DOCK8: variants seen among roughly 807,000 people sequenced by gnomAD.
DOCK8 encodes dedicator of cytokinesis protein 8.
DOCK8 carries 141 observed loss-of-function variants against 245.6 expected under a neutral mutation model. That is an observed-to-expected ratio of 0.57 (90% CI 0.50 to 0.66). DOCK8 has a LOEUF of 0.66. DOCK8 is among the 30% of genes least tolerant of loss of function. The pLI, the probability that DOCK8 is intolerant of heterozygous loss-of-function variation, is 0.00. For synonymous variants in DOCK8, 1,168 were observed against 970.2 expected (o/e 1.20, Z -3.79); for missense variants, 2,965 against 2,603.4 (o/e 1.14, Z -3.02).
chr9:452,138 G>A (rs2057487509), intron 46 of DOCK8, 21 bp downstream of exon 46: 2 of 1,511,162 alleles, frequency 1.3e-6, no homozygotes, highest in East Asian at 4.5e-5. Flanking sequence ...AAATGGCTGG[G>A]AATTTCAGTA....
chr9:261,985 A>G (rs1429063379), intron 1 of DOCK8, among the ~76,000 whole-genome samples: 19 of 112,806 alleles, frequency 1.7e-4, no homozygotes, highest in Admixed American at 1.6e-3. Flanking sequence ...AAAATGTGTC[A>G]AAAGAAAGAA....
At chr9:401,503 G>A (rs1250951797) in intron 26 of DOCK8, among the ~76,000 whole-genome samples, 1 of 152,186 alleles carries the variant, frequency 6.6e-6, no homozygotes, top group Non-Finnish European at 1.5e-5. Context: ...TTAGGGCCCT[G>A]TATCTGCAAG....
intron 38 of DOCK8, among the ~76,000 whole-genome samples, chr9:434,269 A>T (rs188818419): frequency 2.2e-4 from 34 of 152,324 alleles, no homozygotes; most frequent in African/African-American, 7.9e-4. Context: ...ATTAACTGTT[A>T]TAGGAATTAT....
intron 2 of DOCK8, among the ~76,000 whole-genome samples, chr9:278,606 A>G (rs2048452568): frequency 6.6e-6 from 1 of 152,214 alleles, no homozygotes; most frequent in Non-Finnish European, 1.5e-5. Flanking sequence ...TTTAGATTGG[A>G]TCATCCGTGA....
intron 14 of DOCK8, among the ~76,000 whole-genome samples, chr9:345,722 C>T (rs916090725): frequency 2.0e-5 from 3 of 152,186 alleles, no homozygotes; most frequent in African/African-American, 7.2e-5. Context: ...TTGCCCTGCC[C>T]CTTCAGGTGT....
chr9:405,199 C>G, intron 27 of DOCK8, 126 bp downstream of exon 27: 1 of 992,040 alleles, frequency 1.0e-6, no homozygotes, highest in Admixed American at 2.2e-5. Flanking sequence ...CAATTCAAAC[C>G]AGATCAAGTA....
chr9:218,308 T>C (rs1356137096), intron 1 of DOCK8, among the ~76,000 whole-genome samples: 1 of 152,234 alleles, frequency 6.6e-6, no homozygotes, highest in Non-Finnish European at 1.5e-5. Context: ...TCAAATCTGA[T>C]ATATTAAAAA....
At chr9:281,661 G>T (rs940700877) in intron 2 of DOCK8, among the ~76,000 whole-genome samples, 1 of 152,094 alleles carries the variant, frequency 6.6e-6, no homozygotes, top group Non-Finnish European at 1.5e-5. Context: ...GTGTGTGTGT[G>T]TGTGTTGACT....
chr9:323,218 CTTTTTTTT>C (rs1164158230), intron 7 of DOCK8, among the ~76,000 whole-genome samples: 1 of 67,216 alleles, frequency 1.5e-5, no homozygotes, highest in Non-Finnish European at 2.6e-5. Flanking sequence ...AATCTACCAT[CTTTTTTTT>C]TTTTTTTTTT....
At chr9:327,110 G>C (rs544409082) in intron 8 of DOCK8, among the ~76,000 whole-genome samples, 1 of 152,298 alleles carries the variant, frequency 6.6e-6, no homozygotes, top group African/African-American at 2.4e-5. Context: ...TCTATGCAGA[G>C]TCAAGCTAGA....
At chr9:389,309 C>T (rs2054085522) in intron 23 of DOCK8, among the ~76,000 whole-genome samples, 1 of 152,118 alleles carries the variant, frequency 6.6e-6, no homozygotes, top group African/African-American at 2.4e-5. Flanking sequence ...TATAAGTCAC[C>T]CTGTGCACTA....
intron 4 of DOCK8, 77 bp downstream of exon 4, chr9:289,658 T>A: frequency 7.5e-7 from 1 of 1,329,478 alleles, no homozygotes; most frequent in Non-Finnish European, 1.0e-6. Flanking sequence ...TCTTAATACT[T>A]TGAACAGTTC....
At chr9:415,410 A>G (rs898543683) in intron 29 of DOCK8, among the ~76,000 whole-genome samples, 26 of 152,362 alleles carry the variant, frequency 1.7e-4, no homozygotes, top group African/African-American at 5.5e-4. Flanking sequence ...GCATATGTCA[A>G]TATTAGAAAA....
At position 271,643 on chromosome 9, in the gene DOCK8, A is replaced by G; in HGVS notation, c.70A>G (p.Ile24Val). 6.4e-7 allele frequency: 1 copy of G among 1,550,548 alleles called. No homozygotes were observed. Among genetic ancestry groups the G allele is most frequent in the Non-Finnish European group, 8.7e-7 (1 of 1,145,902 alleles). Residue 24 changes from isoleucine (I) to valine (V), a missense_variant, in exon 2 of 48, where the codon ATA (isoleucine) becomes GTA (valine). Around this residue, in one of 3 missense-constraint regions of DOCK8, gnomAD observed 2,825 missense variants for 2,453.5 expected, o/e 1.15. Coordinates refer to ENST00000432829, the MANE Select transcript of DOCK8 (RefSeq NM_203447.4). Reference protein sequence around the residue: ...LKINRYSSAEIRKQFTLPPNL... With the variant: ...LKINRYSSAEVRKQFTLPPNL... ...TAATCCAAGGTATTCTTCAGCGGAA[A>G]TAAGGAAACAGTTTACTCTCCCACC...
chr9:277,838 A>T (rs903995909), intron 2 of DOCK8, among the ~76,000 whole-genome samples: 61 of 151,694 alleles, frequency 4.0e-4, no homozygotes, highest in Middle Eastern at 3.4e-3. Context: ...ACATTTATTT[A>T]AAAAAAAAGT....
intron 38 of DOCK8, 86 bp from the exon 39 acceptor site, chr9:434,696 GA>G: frequency 5.5e-6 from 8 of 1,446,416 alleles, no homozygotes; most frequent in Non-Finnish European, 7.6e-6. Flanking sequence ...CTCTTGGGGA[GA>G]AAAAAAGAAA....
chr9:420,320 G>T (rs1412850363), intron 30 of DOCK8, 81 bp from the exon 31 acceptor site: 2 of 1,464,452 alleles, frequency 1.4e-6, no homozygotes, highest in Non-Finnish European at 9.5e-7. Context: ...GAATTTTTCT[G>T]TTGCTTGACT....
At position 464,258 on chromosome 9, in the gene DOCK8, A is replaced by G. The variant is rs1223490630; in HGVS notation, c.*39A>G. 6.4e-7 allele frequency: 1 copy of G among 1,564,104 alleles called. No homozygotes were observed. ...CATTCGTGGAGACTGTGGCCCTGCA[A>G]CCCTGGAGAAGGACTTGCTGGTACT... On this transcript the variant is annotated 3_prime_UTR_variant, in exon 48 of 48. Transcript: ENST00000432829.
chr9:232,359 T>G (rs2047136622), intron 1 of DOCK8, among the ~76,000 whole-genome samples: 1 of 152,188 alleles, frequency 6.6e-6, no homozygotes, highest in Non-Finnish European at 1.5e-5. Context: ...AAAATTCTCT[T>G]TTTTGGTTGT....
Sources: gnomAD v4.1 joint callset for allele counts (sites outside exome capture counted in the v4.1 genomes callset) on GRCh38, gnomAD v4.1.1 for gene constraint, gnomAD v4.1.1 regional missense constraint, MANE v1.5 for transcripts, NCBI Gene and HGNC (gene_info 2026-07-23, HGNC 2026-07-21) for gene names.